The following MED13L variants were observed in gnomAD, a reference collection of about 807,000 sequenced individuals.
MED13L encodes mediator complex subunit 13L, also known as mediator of RNA polymerase II transcription subunit 13-like.
Under a neutral mutation model 220.9 loss-of-function variants are expected in MED13L, and 7 were observed. The observed-to-expected ratio is 0.03, with a 90% CI of 0.02 to 0.06. The LOEUF (loss-of-function observed/expected upper bound fraction) is 0.06, where lower values mean the gene tolerates loss of function less well. Ranked by LOEUF, MED13L falls within the 10% of genes least tolerant of loss-of-function variation. The pLI is 1.00. For synonymous variants in MED13L, 1,011 were observed against 1,015.2 expected, an observed-to-expected ratio of 1.00 and a Z score of 0.08; for missense variants, 1,965 against 2,760.5, an observed-to-expected ratio of 0.71 and a Z score of 6.46.
chr12:116,018,081 T>C (rs986834335), intron 7 of MED13L, among the ~76,000 whole-genome samples: 1 of 152,180 alleles, frequency 6.6e-6, no homozygotes, highest in Non-Finnish European at 1.5e-5. Context: ...CTTTAAATTA[T>C]TGCTACCACT....
intron 3 of MED13L, among the ~76,000 whole-genome samples, chr12:116,099,406 C>A (rs1186974303): frequency 1.3e-5 from 2 of 152,152 alleles, no homozygotes; most frequent in African/African-American, 4.8e-5. Flanking sequence ...CAATACGGCA[C>A]GTAACAGGTA....
At chr12:116,061,395 G>T (rs1399787338) in intron 4 of MED13L, among the ~76,000 whole-genome samples, 1 of 151,886 alleles carries the variant, frequency 6.6e-6, no homozygotes, top group Non-Finnish European at 1.5e-5. Flanking sequence ...ATGTCAGAGG[G>T]TTATACAATT....
intron 2 of MED13L, among the ~76,000 whole-genome samples, chr12:116,195,225 G>A (rs1229043308): frequency 6.6e-6 from 1 of 152,016 alleles, no homozygotes; most frequent in Non-Finnish European, 1.5e-5. Context: ...TACCATCAGT[G>A]GGAGACAAGT....
At chr12:116,252,979 G>C (rs1273376178) in intron 1 of MED13L, among the ~76,000 whole-genome samples, 1 of 152,088 alleles carries the variant, frequency 6.6e-6, no homozygotes, top group African/African-American at 2.4e-5. Context: ...AAGACACAGA[G>C]GGCCAGGCGT....
intron 1 of MED13L, among the ~76,000 whole-genome samples, chr12:116,252,741 A>G (rs1025445014): frequency 2.6e-5 from 4 of 152,146 alleles, no homozygotes; most frequent in Non-Finnish European, 5.9e-5. Context: ...AAAGATTAGT[A>G]AAATTAACAA....
chr12:115,987,642 C>T (rs1877787380), intron 17 of MED13L, among the ~76,000 whole-genome samples: 1 of 152,112 alleles, frequency 6.6e-6, no homozygotes, highest in African/African-American at 2.4e-5. Context: ...TTAATTATTA[C>T]TTTTATTTGC....
chr12:116,181,529 C>T (rs1388537394), intron 2 of MED13L, among the ~76,000 whole-genome samples: 7 of 152,160 alleles, frequency 4.6e-5, no homozygotes, highest in South Asian at 2.1e-4. Flanking sequence ...TGTTTTGAGA[C>T]GGCATTTCAC....
chr12:115,999,103 C>G lies in MED13L; in HGVS notation c.2570-1873G>C, dbSNP rs1878585690. Among the ~76,000 whole-genome samples the G allele has an allele frequency of 2.6e-5, 4 of 152,240 alleles. No individual in the cohort carries two copies. The South Asian group carries it at 8.3e-4, about 32-fold the overall frequency. ...GTTTTCTTTAAAACAAAGCCAAGAT[C>G]TTTAATATAAAGTTAGTCTACACTG... On this transcript the variant is annotated intron_variant, in intron 14 of 30. Coordinates refer to ENST00000281928, the MANE Select transcript of MED13L (RefSeq NM_015335.5).
chr12:115,989,606 A>G (rs1212221808), intron 17 of MED13L, among the ~76,000 whole-genome samples: 1 of 152,076 alleles, frequency 6.6e-6, no homozygotes, highest in Non-Finnish European at 1.5e-5. Context: ...CTCTACCTGG[A>G]TATATCAAAA....
At chr12:116,144,589 T>G (rs1199707815) in intron 2 of MED13L, among the ~76,000 whole-genome samples, 1 of 152,222 alleles carries the variant, frequency 6.6e-6, no homozygotes, top group Non-Finnish European at 1.5e-5. Context: ...TGACCTACTG[T>G]AGTTTTTACT....
chr12:116,172,141 T>C (rs1387092761), intron 2 of MED13L, among the ~76,000 whole-genome samples: 1 of 152,220 alleles, frequency 6.6e-6, no homozygotes, highest in East Asian at 1.9e-4. Context: ...CTTAGGTATA[T>C]AATCCCCTAA....
chr12:116,252,701 G>GA (rs990189037), intron 1 of MED13L, among the ~76,000 whole-genome samples: 3 of 151,208 alleles, frequency 2.0e-5, no homozygotes, highest in Non-Finnish European at 3.0e-5. Context: ...TGATAATACA[G>GA]AAAAAAAGAA....
chr12:116,097,366 G>A (rs908616573), intron 3 of MED13L, among the ~76,000 whole-genome samples: 3 of 152,102 alleles, frequency 2.0e-5, no homozygotes, highest in African/African-American at 7.2e-5. Context: ...GGCTGATCTC[G>A]AATTCCTGGC....
At chr12:116,173,827 G>A (rs1279934942) in intron 2 of MED13L, among the ~76,000 whole-genome samples, 1 of 152,194 alleles carries the variant, frequency 6.6e-6, no homozygotes. Context: ...GGATAACCCA[G>A]TGCAAACATG....
chr12:115,999,442 T>TA (rs1195004547), intron 14 of MED13L, among the ~76,000 whole-genome samples: 1 of 152,014 alleles, frequency 6.6e-6, no homozygotes, highest in Non-Finnish European at 1.5e-5. Context: ...ACCTTTAACC[T>TA]TTAGTCCCTA....
At chr12:116,075,126 C>T (rs1870676345) in intron 4 of MED13L, among the ~76,000 whole-genome samples, 1 of 152,170 alleles carries the variant, frequency 6.6e-6, no homozygotes. Context: ...TCACACTTAA[C>T]ATTAAACCAC....
chr12:116,149,240 A>G (rs2138084158), intron 2 of MED13L, among the ~76,000 whole-genome samples: 1 of 152,294 alleles, frequency 6.6e-6, no homozygotes, highest in East Asian at 1.9e-4. Context: ...TTTATATTCT[A>G]GAACTTCTCA....
chr12:116,236,700 T>C (rs1186214316), intron 2 of MED13L: 1 of 276,282 alleles, frequency 3.6e-6, no homozygotes. Context: ...GCATACTAAA[T>C]AGAAACACTT....
chr12:116,055,469 A>C (rs1177363396), intron 4 of MED13L, among the ~76,000 whole-genome samples: 1 of 152,240 alleles, frequency 6.6e-6, no homozygotes, highest in Admixed American at 6.5e-5. Context: ...CACATTCACA[A>C]GAGAAGTTAG....
Sources: allele counts gnomAD v4.1 joint callset (sites outside exome capture counted in the v4.1 genomes callset), GRCh38; gene constraint gnomAD v4.1.1; transcripts MANE v1.5; gene names NCBI Gene and HGNC (gene_info 2026-07-23, HGNC 2026-07-21).